The following ZBTB38 variants were observed in gnomAD, a reference collection of about 807,000 sequenced individuals.
ZBTB38 encodes zinc finger and BTB domain containing 38.
Under a neutral mutation model 76.8 loss-of-function variants are expected in ZBTB38, and 20 were observed. The ratio of observed to expected loss-of-function variants is 0.26; its 90% confidence interval spans 0.18 to 0.38. The LOEUF (loss-of-function observed/expected upper bound fraction) is 0.38. ZBTB38 is among the 10% of genes least tolerant of loss of function. The pLI, the probability that ZBTB38 is intolerant of heterozygous loss-of-function variation, is 1.00. For synonymous variants in ZBTB38, 504 were observed against 544.2 expected (o/e 0.93, Z 1.03); for missense variants, 1,082 against 1,482.3 (o/e 0.73, Z 4.43).
chr3:141,342,196 G>A (rs533452675), intron 1 of ZBTB38, among the ~76,000 whole-genome samples: 17 of 152,046 alleles, frequency 1.1e-4, no homozygotes, highest in African/African-American at 4.1e-4. Flanking sequence ...GTGGTGGTGC[G>A]TGCCTATAGT....
chr3:141,358,429 A>G (rs1453790067), intron 1 of ZBTB38, among the ~76,000 whole-genome samples: 1 of 152,202 alleles, frequency 6.6e-6, no homozygotes, highest in Non-Finnish European at 1.5e-5. Context: ...TTTAAATTAG[A>G]TGATAGTTTG....
In ZBTB38 at chr3:141,444,504, G is replaced by C; in HGVS notation, c.2116G>C (p.Val706Leu). ...TAATAGCAGTGAGAATGCCGCCTCTGTGATCAGCTACAGTGGCTCTGCACC... is the reference window on the plus strand; with the variant it reads ...TAATAGCAGTGAGAATGCCGCCTCTCTGATCAGCTACAGTGGCTCTGCACC... Reference protein sequence around the residue: ...LSNSSENAASVISYSGSAPSV... With the variant: ...LSNSSENAASLISYSGSAPSV... The change falls in exon 6 of 6, where the codon GTG (valine) becomes CTG (leucine). Residue 706 changes from valine (V) to leucine (L), a missense_variant. Physicochemically the swap from Val to Leu is conservative, Grantham distance 32 (BLOSUM62 1). Coordinates refer to ENST00000321464, the MANE Select transcript of ZBTB38 (RefSeq NM_001376113.1). This position sits in a 1 kb window ranked among gnomAD's most constrained non-coding sequence, Gnocchi z 5.1. The C allele has an allele frequency of 6.2e-7, 1 of 1,614,176 alleles. No homozygotes were observed. Among genetic ancestry groups the C allele is most frequent in the Non-Finnish European group, 8.5e-7 (1 of 1,180,036 alleles).
intron 4 of ZBTB38, among the ~76,000 whole-genome samples, chr3:141,402,049 G>A (rs937031752): frequency 7.2e-5 from 11 of 152,228 alleles, no homozygotes; most frequent in Non-Finnish European, 1.5e-4. Flanking sequence ...CAGGCTCTGT[G>A]GCCCAGAGTC....
intron 5 of ZBTB38, among the ~76,000 whole-genome samples, chr3:141,432,631 T>C (rs1221324815): frequency 2.0e-5 from 3 of 152,206 alleles, no homozygotes; most frequent in Non-Finnish European, 4.4e-5. Context: ...AGTTAACAAT[T>C]TAAAGAGATT....
intron 5 of ZBTB38, among the ~76,000 whole-genome samples, chr3:141,407,253 A>G (rs1449260960): frequency 6.6e-6 from 1 of 152,246 alleles, no homozygotes; most frequent in Admixed American, 6.5e-5. Context: ...ATATGAGCTT[A>G]GTACAATGGA....
At chr3:141,369,090 C>T (rs118145891) in intron 1 of ZBTB38, among the ~76,000 whole-genome samples, 157 of 151,580 alleles carry the variant, frequency 1.0e-3, no homozygotes, top group East Asian at 3.1e-3. Context: ...TTTGCCTCCT[C>T]TTCCTCCCCT....
At chr3:141,414,234 CTT>C (rs2073384554) in intron 5 of ZBTB38, among the ~76,000 whole-genome samples, 1 of 152,132 alleles carries the variant, frequency 6.6e-6, no homozygotes, top group African/African-American at 2.4e-5. Context: ...AGGTTTGAAA[CTT>C]TTTCACACAG....
Position 141,445,174 on chromosome 3 carries a change from G to C in ZBTB38, c.2786G>C (p.Arg929Thr). 6.2e-7 allele frequency: 1 copy of C among 1,614,040 alleles called. No individual in the cohort carries two copies. Among genetic ancestry groups the C allele is most frequent in the African/African-American group, 1.3e-5 (1 of 75,004 alleles). The stretch of plus-strand genomic sequence containing the variant: ...AACTACAAACCCAAAAAGAAATCCA[G>C]ACAGTTGAAAAAAATGAGGAAAGTC... ...YYNYKPKKKS[R>T]QLKKMRKVNW... Residue 929 changes from arginine (R) to threonine (T), a missense_variant, in exon 6 of 6, where the codon AGA becomes ACA. This residue lies in a region of ZBTB38 where 471 missense variants were observed against 581.0 expected (regional missense o/e 0.81). Transcript: ENST00000321464. The surrounding 1 kb of genome is among the most constrained non-coding windows in gnomAD (Gnocchi z 6.5).
intron 5 of ZBTB38, among the ~76,000 whole-genome samples, chr3:141,417,759 G>GT (rs199670651): frequency 0.013 from 1,977 of 152,308 alleles, 30 homozygotes; most frequent in Admixed American, 0.041. Flanking sequence ...GCTCACACCT[G>GT]TAATCCCAGC....
intron 5 of ZBTB38, among the ~76,000 whole-genome samples, chr3:141,414,307 C>T (rs954558687): frequency 5.3e-5 from 8 of 152,136 alleles, no homozygotes; most frequent in African/African-American, 1.9e-4. Flanking sequence ...TTCTTGCATG[C>T]CAGTTGCACG....
intron 2 of ZBTB38, among the ~76,000 whole-genome samples, chr3:141,377,869 G>A (rs182653454): frequency 6.7e-4 from 102 of 152,268 alleles, no homozygotes; most frequent in African/African-American, 2.4e-3. Context: ...ATTCCATTTA[G>A]AGAACGTTCT....
intron 5 of ZBTB38, among the ~76,000 whole-genome samples, chr3:141,407,983 A>T (rs57345461): frequency 0.19 from 28,220 of 152,176 alleles, 3,547 homozygotes; most frequent in African/African-American, 0.33. Context: ...CTGGGTAACA[A>T]GCTGCCTGCA....
rs762811058 is a variant in ZBTB38, at chr3:141,443,359, A to G, written c.971A>G (p.Asn324Ser). ...GDVHFSREDE[N>S]QSSDVPGPPA... ...GTCCATTTTTCCAGGGAAGATGAAAATCAATCTTCTGATGTTCCCGGGCCG... is the reference window on the plus strand; with the variant it reads ...GTCCATTTTTCCAGGGAAGATGAAAGTCAATCTTCTGATGTTCCCGGGCCG... Residue 324 changes from asparagine to serine, a missense_variant, in exon 6 of 6, where the codon AAT becomes AGT. Coordinates refer to ENST00000321464, the MANE Select transcript of ZBTB38 (RefSeq NM_001376113.1). The surrounding 1 kb of genome is among the most constrained non-coding windows in gnomAD (Gnocchi z 5.6). 3.7e-6 allele frequency: 6 copies of G among 1,614,168 alleles called. No individual in the cohort carries two copies. The highest frequency in any genetic ancestry group is 3.4e-6 in the Non-Finnish European group (4 of 1,180,028).
intron 4 of ZBTB38, among the ~76,000 whole-genome samples, chr3:141,398,276 G>A (rs997365093): frequency 1.6e-4 from 25 of 152,190 alleles, no homozygotes; most frequent in African/African-American, 6.0e-4. Flanking sequence ...AATGTTTTTA[G>A]TTGAATGAGT....
intron 5 of ZBTB38, among the ~76,000 whole-genome samples, chr3:141,431,179 C>T (rs1469568518): frequency 4.0e-5 from 6 of 151,290 alleles, no homozygotes; most frequent in South Asian, 2.1e-4. Flanking sequence ...AAAAATTAGC[C>T]GGGCATGGTG....
intron 1 of ZBTB38, among the ~76,000 whole-genome samples, chr3:141,346,899 G>C (rs1017932333): frequency 1.3e-5 from 2 of 151,564 alleles, no homozygotes. Context: ...AGAAAGCACT[G>C]TCTACTACGA....
At chr3:141,427,341 AAT>A (rs1293995141) in intron 5 of ZBTB38, among the ~76,000 whole-genome samples, 1 of 152,204 alleles carries the variant, frequency 6.6e-6, no homozygotes, top group Non-Finnish European at 1.5e-5. Context: ...TATGCTAAAA[AAT>A]ATATAACAGA....
At chr3:141,329,505 A>G (rs2148876355) in intron 1 of ZBTB38, among the ~76,000 whole-genome samples, 1 of 152,342 alleles carries the variant, frequency 6.6e-6, no homozygotes, top group East Asian at 1.9e-4. Flanking sequence ...AGTATTATAC[A>G]TGCTACTTGT....
intron 5 of ZBTB38, among the ~76,000 whole-genome samples, chr3:141,430,686 C>A (rs889433696): frequency 2.0e-5 from 3 of 152,110 alleles, no homozygotes; most frequent in African/African-American, 7.2e-5. Context: ...GTGGGGGAGG[C>A]GGATTTAGAT....
Sources: allele counts gnomAD v4.1 joint callset (sites outside exome capture counted in the v4.1 genomes callset), GRCh38; gene constraint gnomAD v4.1.1; regional missense constraint gnomAD v4.1.1; non-coding constraint Gnocchi (gnomAD v3.1); transcripts MANE v1.5; gene names NCBI Gene and HGNC (gene_info 2026-07-23, HGNC 2026-07-21).